FRAS1: variants seen among roughly 807,000 people sequenced by gnomAD.
FRAS1 encodes extracellular matrix organizing protein FRAS1.
In FRAS1, 290 loss-of-function variants were observed where a neutral mutation model predicts 435.2. The ratio of observed to expected loss-of-function variants is 0.67; its 90% CI spans 0.61 to 0.73. FRAS1 has a LOEUF of 0.73. Among genes scored for constraint, FRAS1 ranks in the 30% least tolerant of loss-of-function variants. The probability of loss-of-function intolerance (pLI) is 0.00; values close to 1 mark genes in which losing one functional copy is unlikely to be tolerated. For missense variants in FRAS1, 4,860 were observed against 5,001.5 expected (o/e 0.97, Z 0.85); for synonymous variants, 1,800 against 1,851.0 (o/e 0.97, Z 0.71).
intron 38 of FRAS1, among the ~76,000 whole-genome samples, chr4:78,437,610 C>T (rs1254564664): frequency 6.6e-6 from 1 of 152,162 alleles, no homozygotes; most frequent in Non-Finnish European, 1.5e-5. Flanking sequence ...TGTTGGCCCC[C>T]GCCCTCTTGG....
At chr4:78,089,489 A>G (rs186244767) in intron 2 of FRAS1, among the ~76,000 whole-genome samples, 4 of 152,268 alleles carry the variant, frequency 2.6e-5, no homozygotes, top group Admixed American at 2.0e-4. Flanking sequence ...GGCAGAACCC[A>G]AGGGGCCTTT....
chr4:78,402,164 G>A (rs1408268732), intron 30 of FRAS1, among the ~76,000 whole-genome samples: 1 of 152,022 alleles, frequency 6.6e-6, no homozygotes, highest in African/African-American at 2.4e-5. Flanking sequence ...TAAAGGAACA[G>A]GTAGATTTTT....
chr4:78,497,595 ATTATC>A (rs911336573), intron 60 of FRAS1, among the ~76,000 whole-genome samples: 3 of 152,202 alleles, frequency 2.0e-5, no homozygotes, highest in Admixed American at 1.3e-4. Context: ...AGCATATTAT[ATTATC>A]TTATTTAATA....
At position 78,346,716 on chromosome 4, in the gene FRAS1, C is replaced by A. The variant is rs1057072517; in HGVS notation, c.2422+8899C>A. The stretch of plus-strand genomic sequence containing the variant: ...TATCTGATAAAACAAAACAAACAAA[C>A]CTCATCTTTTCTCCTCAAATCTTTC... On this transcript the variant is annotated intron_variant, in intron 20 of 73. Transcript: ENST00000512123. 2.6e-5 allele frequency among the ~76,000 whole-genome samples: 4 copies of A among 151,934 alleles called. No individual in the cohort carries two copies. The South Asian group carries it at 6.3e-4, about 24-fold the overall frequency.
intron 2 of FRAS1, among the ~76,000 whole-genome samples, chr4:78,077,202 A>G (rs893762436): frequency 1.4e-4 from 21 of 150,912 alleles, no homozygotes; most frequent in Admixed American, 1.3e-3. Context: ...ACAGAAACAC[A>G]CACACACACA....
rs1033394723 is a variant in FRAS1, at chr4:78,099,854, C to T, written c.108+33838C>T. Among the ~76,000 whole-genome samples, 57 of 152,126 alleles carry T rather than the reference C, an allele frequency of 3.7e-4. 1 individual carries two copies. Among genetic ancestry groups the T allele is most frequent in the Non-Finnish European group, 6.2e-4 (42 of 68,026 alleles). On this transcript the variant is annotated intron_variant, in intron 2 of 73. Coordinates refer to ENST00000512123, the MANE Select transcript of FRAS1 (RefSeq NM_025074.7). ...GTTCATCCTGTTTTATTACAGTCAT[C>T]GTTCCTTGTCCACTGTAGTGTAGCA...
At chr4:78,483,787 T>TAC (rs1252394673) in intron 58 of FRAS1, among the ~76,000 whole-genome samples, 1 of 60,984 alleles carries the variant, frequency 1.6e-5, no homozygotes, top group African/African-American at 4.3e-5. Flanking sequence ...TCTCTCTATA[T>TAC]ATATATATAT....
chr4:78,365,737 TAAAAAAAAAAAAAC>T (rs966241424), intron 22 of FRAS1, among the ~76,000 whole-genome samples: 2 of 132,150 alleles, frequency 1.5e-5, no homozygotes, highest in African/African-American at 3.0e-5. Context: ...TCTAGTACAT[TAAAAAAAAAAAAAC>T]AAAAAAAAAA....
chr4:78,228,425 TTAG>T, intron 2 of FRAS1, among the ~76,000 whole-genome samples: 1 of 152,194 alleles, frequency 6.6e-6, no homozygotes, highest in Non-Finnish European at 1.5e-5. Flanking sequence ...CAGGATTATG[TTAG>T]AACAAGTGGA....
At chr4:78,115,791 C>A (rs898213350) in intron 2 of FRAS1, among the ~76,000 whole-genome samples, 1 of 151,994 alleles carries the variant, frequency 6.6e-6, no homozygotes, top group African/African-American at 2.4e-5. Flanking sequence ...CTCCTGGATT[C>A]ATTGATTTTT....
chr4:78,473,802 T>TTG (rs1719782785), intron 53 of FRAS1, among the ~76,000 whole-genome samples: 1 of 151,774 alleles, frequency 6.6e-6, no homozygotes, highest in Non-Finnish European at 1.5e-5. Flanking sequence ...ATGCATCATC[T>TTG]TATATAATAC....
At chr4:78,416,578 T>A (rs1250102383) in intron 32 of FRAS1, among the ~76,000 whole-genome samples, 2 of 151,862 alleles carry the variant, frequency 1.3e-5, no homozygotes, top group Non-Finnish European at 2.9e-5. Flanking sequence ...ACAAGGACTT[T>A]TGGTGGGAAG....
chr4:78,307,658 G>T (rs1247656145), intron 14 of FRAS1, among the ~76,000 whole-genome samples: 5 of 152,320 alleles, frequency 3.3e-5, no homozygotes, highest in Non-Finnish European at 7.3e-5. Context: ...CTAGGAAGGG[G>T]AACTCCCTGA....
chr4:78,430,500 A>T, intron 37 of FRAS1, 83 bp downstream of exon 37: 1 of 1,411,436 alleles, frequency 7.1e-7, no homozygotes, highest in African/African-American at 1.4e-5. Context: ...GTCTCAGACG[A>T]GAGCAAAGCG....
chr4:78,507,850 A>G (rs1225401014), intron 62 of FRAS1, among the ~76,000 whole-genome samples: 3 of 152,190 alleles, frequency 2.0e-5, no homozygotes, highest in Admixed American at 1.3e-4. Flanking sequence ...GGATACTCCT[A>G]AACATCCCAT....
chr4:78,168,403 CT>C (rs1160897085), intron 2 of FRAS1, among the ~76,000 whole-genome samples: 3 of 150,040 alleles, frequency 2.0e-5, no homozygotes, highest in Admixed American at 6.6e-5. Flanking sequence ...TTTGTTTTTT[CT>C]TTTTTTTTAG....
intron 33 of FRAS1, among the ~76,000 whole-genome samples, chr4:78,419,381 C>T (rs1489287234): frequency 6.6e-6 from 1 of 152,176 alleles, no homozygotes; most frequent in Non-Finnish European, 1.5e-5. Context: ...TAGCCATTGT[C>T]TCTGTAGGAT....
chr4:78,173,266 G>T (rs896577984), intron 2 of FRAS1, among the ~76,000 whole-genome samples: 1 of 152,220 alleles, frequency 6.6e-6, no homozygotes, highest in Non-Finnish European at 1.5e-5. Flanking sequence ...GCGCAAGCCA[G>T]TTCCCAGCAG....
intron 2 of FRAS1, among the ~76,000 whole-genome samples, chr4:78,187,885 G>A (rs1722340562): frequency 6.6e-6 from 1 of 152,174 alleles, no homozygotes; most frequent in South Asian, 2.1e-4. Context: ...TTGCAGGCAT[G>A]AGCCACCACG....
Sources: gnomAD v4.1 joint callset for allele counts (sites outside exome capture counted in the v4.1 genomes callset) on GRCh38, gnomAD v4.1.1 for gene constraint, MANE v1.5 for transcripts, NCBI Gene and HGNC (gene_info 2026-07-23, HGNC 2026-07-21) for gene names.